The following DLGAP2 variants were observed in gnomAD, a reference collection of about 807,000 sequenced individuals.
DLGAP2 encodes the protein disks large-associated protein 2.
Under a neutral mutation model 100.3 loss-of-function variants are expected in DLGAP2, and 26 were observed. That is an observed-to-expected ratio of 0.26 (90% CI 0.19 to 0.36). The LOEUF (loss-of-function observed/expected upper bound fraction) is 0.36. DLGAP2 is among the 10% of genes least tolerant of loss of function. The pLI, the probability that DLGAP2 is intolerant of heterozygous loss-of-function variation, is 1.00. For synonymous variants in DLGAP2, 886 were observed against 630.1 expected (o/e 1.41, Z -6.08); for missense variants, 1,858 against 1,453.2 (o/e 1.28, Z -4.53).
chr8:1,258,442 G>A (rs977720843), intron 2 of DLGAP2, among the ~76,000 whole-genome samples: 2 of 151,996 alleles, frequency 1.3e-5, no homozygotes, highest in African/African-American at 2.4e-5. Flanking sequence ...GGTGGGTGGG[G>A]GGGAAGAGGG....
At chr8:1,244,280 G>C (rs1484026702) in intron 2 of DLGAP2, among the ~76,000 whole-genome samples, 1 of 152,192 alleles carries the variant, frequency 6.6e-6, no homozygotes, top group Non-Finnish European at 1.5e-5. Context: ...CAATGTGGAG[G>C]TGCTTAATAA....
At chr8:998,701 G>A (rs1584959115) in intron 2 of DLGAP2, among the ~76,000 whole-genome samples, 1 of 152,130 alleles carries the variant, frequency 6.6e-6, no homozygotes, top group East Asian at 1.9e-4. Flanking sequence ...TTCTTCCTAG[G>A]TGAGAATGCC....
chr8:756,693 C>T (rs950730465), intron 1 of DLGAP2, among the ~76,000 whole-genome samples: 1 of 152,110 alleles, frequency 6.6e-6, no homozygotes, highest in Non-Finnish European at 1.5e-5. Flanking sequence ...GAGGCTGAAC[C>T]TGGAATCCCC....
chr8:1,560,346 T>C (rs918234708), intron 5 of DLGAP2, among the ~76,000 whole-genome samples: 1 of 152,202 alleles, frequency 6.6e-6, no homozygotes, highest in African/African-American at 2.4e-5. Flanking sequence ...GTAGTATCCA[T>C]CCTGTGCTTT....
intron 1 of DLGAP2, among the ~76,000 whole-genome samples, chr8:781,429 G>C (rs114449608): frequency 0.012 from 1,811 of 150,354 alleles, 29 homozygotes; most frequent in Middle Eastern, 0.021. Context: ...TTTTTTTTTT[G>C]TTGCTATTTT....
chr8:1,483,731 G>GGTGCAGAATGTGGGGACCAGGGAGGCAT (rs1799169215), intron 3 of DLGAP2, among the ~76,000 whole-genome samples: 2 of 150,866 alleles, frequency 1.3e-5, no homozygotes, highest in African/African-American at 4.9e-5. Flanking sequence ...CAGGAAGGCA[G>GGTGCAGAATGTGGGGACCAGGGAGGCAT]GTGCAGAATG....
In DLGAP2 at chr8:1,707,749, C is replaced by G. The variant is rs984902468; in HGVS notation, c.*6343C>G. ...TTCAAGGAATGTTAGAACCAGGAAACTAGCTGTTTAAAGTTTTAAAGAAGT... is the reference window on the plus strand; with the variant it reads ...TTCAAGGAATGTTAGAACCAGGAAAGTAGCTGTTTAAAGTTTTAAAGAAGT... On this transcript the variant is annotated 3_prime_UTR_variant, in exon 15 of 15. Transcript: ENST00000637795. 2 of 152,122 alleles carry G rather than the reference C, an allele frequency of 1.3e-5. No individual in the cohort carries two copies. Among genetic ancestry groups the G allele is most frequent in the Admixed American group, 1.3e-4 (2 of 15,232 alleles). 9.4% of individuals were successfully genotyped at this position (152,122 alleles called of 1,614,324 possible). A position where few individuals can be genotyped will look rare whatever the true frequency, so the allele number is the denominator to read the frequency against.
At chr8:1,195,413 A>C (rs1223590652) in intron 2 of DLGAP2, among the ~76,000 whole-genome samples, 1 of 152,246 alleles carries the variant, frequency 6.6e-6, no homozygotes, top group East Asian at 1.9e-4. Context: ...AATGAAAAAC[A>C]TGGTGAAGTG....
intron 1 of DLGAP2, among the ~76,000 whole-genome samples, chr8:880,744 T>G (rs1039201569): frequency 6.6e-6 from 1 of 152,228 alleles, no homozygotes; most frequent in East Asian, 1.9e-4. Context: ...GGGGAGACTT[T>G]GTATGTGGGT....
At chr8:1,556,884 G>C (rs1323347464) in intron 5 of DLGAP2, among the ~76,000 whole-genome samples, 2 of 152,214 alleles carry the variant, frequency 1.3e-5, no homozygotes, top group East Asian at 3.8e-4. Flanking sequence ...CTTCAGCTGA[G>C]ATGTACATCC....
At chr8:1,039,565 G>A (rs1260754193) in intron 2 of DLGAP2, among the ~76,000 whole-genome samples, 1 of 115,140 alleles carries the variant, frequency 8.7e-6, no homozygotes, top group East Asian at 2.5e-4. Flanking sequence ...TGGTCAGCTT[G>A]GTGTGCGTGG....
intron 3 of DLGAP2, among the ~76,000 whole-genome samples, chr8:1,371,237 G>A (rs1049701598): frequency 7.9e-5 from 12 of 152,232 alleles, no homozygotes; most frequent in Admixed American, 5.2e-4. Flanking sequence ...CAGGCATTGA[G>A]GGGAACTAAA....
intron 2 of DLGAP2, among the ~76,000 whole-genome samples, chr8:935,491 A>G (rs1398342596): frequency 1.3e-5 from 2 of 152,202 alleles, no homozygotes; most frequent in Admixed American, 6.5e-5. Flanking sequence ...GATTAAATAA[A>G]CTATATTAAA....
At chr8:808,823 C>G (rs886225151) in intron 1 of DLGAP2, among the ~76,000 whole-genome samples, 1 of 151,780 alleles carries the variant, frequency 6.6e-6, no homozygotes, top group Non-Finnish European at 1.5e-5. Context: ...TTGTGAAATA[C>G]TTGTTTAGCC....
At chr8:1,000,853 G>T (rs1021873519) in intron 2 of DLGAP2, among the ~76,000 whole-genome samples, 3 of 152,140 alleles carry the variant, frequency 2.0e-5, no homozygotes, top group Non-Finnish European at 4.4e-5. Context: ...GTGTGGACAG[G>T]TGTGGGGGGA....
chr8:1,529,856 C>A (rs373638773), intron 4 of DLGAP2, among the ~76,000 whole-genome samples: 5 of 152,128 alleles, frequency 3.3e-5, no homozygotes, highest in East Asian at 1.9e-4. Flanking sequence ...CATGTCGGTA[C>A]GTTCCATGAT....
chr8:1,531,241 C>CGTGTGTGTGTGTGTGTGT (rs58738870), intron 4 of DLGAP2, among the ~76,000 whole-genome samples: 8 of 143,232 alleles, frequency 5.6e-5, no homozygotes, highest in African/African-American at 2.0e-4. Context: ...AGAGCGTGTG[C>CGTGTGTGTGTGTGTGTGT]GTGTGTGTGT....
intron 2 of DLGAP2, among the ~76,000 whole-genome samples, chr8:1,108,730 C>T (rs532472163): frequency 7.4e-6 from 1 of 134,614 alleles, no homozygotes; most frequent in East Asian, 2.3e-4. Flanking sequence ...ATAATGTGTG[C>T]ACGTGCCTAT....
chr8:1,084,332 A>G (rs1803904436), intron 2 of DLGAP2, among the ~76,000 whole-genome samples: 1 of 152,242 alleles, frequency 6.6e-6, no homozygotes, highest in African/African-American at 2.4e-5. Context: ...TCCAGCATAG[A>G]ACAATTAAGC....
Sources: allele counts gnomAD v4.1 joint callset (sites outside exome capture counted in the v4.1 genomes callset), GRCh38; gene constraint gnomAD v4.1.1; transcripts MANE v1.5; gene names NCBI Gene and HGNC (gene_info 2026-07-23, HGNC 2026-07-21).